Variants in PCM1 observed in about 807,000 individuals in gnomAD.
The protein encoded by PCM1 is pericentriolar material 1 protein.
In PCM1, 157 loss-of-function variants were observed where a neutral mutation model predicts 241.9. The observed-to-expected ratio is 0.65, with a 90% CI of 0.57 to 0.74. The LOEUF (loss-of-function observed/expected upper bound fraction) is 0.74, where lower values mean the gene tolerates loss of function less well. PCM1 is among the 30% of genes least tolerant of loss of function. The probability of loss-of-function intolerance (pLI) is 0.00; values close to 1 mark genes in which losing one functional copy is unlikely to be tolerated. For synonymous variants in PCM1, 1,085 were observed against 784.9 expected (o/e 1.38, Z -6.39); for missense variants, 3,478 against 2,360.1 (o/e 1.47, Z -9.81).
At chr8:17,942,451 G>A (rs1284854925) in intron 6 of PCM1, among the ~76,000 whole-genome samples, 16 of 151,396 alleles carry the variant, frequency 1.1e-4, no homozygotes, top group Admixed American at 6.6e-5. Flanking sequence ...GTGAGACTGC[G>A]TCTCAAAAAA....
chr8:17,938,961 G>C lies in PCM1; in HGVS notation c.564G>C (p.Gln188His), dbSNP rs765997054. Residue 188 changes from glutamine to histidine, a missense_variant, in exon 5 of 39, where the codon CAG becomes CAC. By Grantham distance (24) the Gln-to-His change is conservative. Transcript: ENST00000325083. ...ALSNDLLQNC[Q>H]VSEEDGRGEP... ...GTAATGACCTCTTGCAAAACTGTCA[G>C]GTGTCTGAAGAAGATGGGAGGGGAG... 2.5e-6 allele frequency: 4 copies of C among 1,613,738 alleles called. No individual in the cohort carries two copies. In the East Asian group the frequency reaches 6.7e-5, roughly 27 times the overall value.
At chr8:18,015,050 T>G (rs536757707) in intron 36 of PCM1, among the ~76,000 whole-genome samples, 1 of 152,178 alleles carries the variant, frequency 6.6e-6, no homozygotes, top group Non-Finnish European at 1.5e-5. Flanking sequence ...TTTTATAATT[T>G]TGAGAACCAA....
At chr8:17,996,869 T>C (rs1232273564) in intron 29 of PCM1, among the ~76,000 whole-genome samples, 2 of 152,242 alleles carry the variant, frequency 1.3e-5, no homozygotes, top group East Asian at 3.8e-4. Context: ...TACTGTACCA[T>C]GTCTTGAAAA....
At chr8:17,966,562 AC>A in intron 20 of PCM1, 89 bp downstream of exon 20, 2 of 1,113,698 alleles carry the variant, frequency 1.8e-6, no homozygotes, top group Non-Finnish European at 2.6e-6. Context: ...AAAGAGCAAG[AC>A]CAAATTGCAT....
At chr8:17,961,132 T>G (rs536752372) in intron 15 of PCM1, among the ~76,000 whole-genome samples, 249 of 152,240 alleles carry the variant, frequency 1.6e-3, no homozygotes, top group African/African-American at 4.9e-3. Flanking sequence ...AATAACTGTA[T>G]GTGGTTTAAA....
rs1051459050 is a variant in PCM1 at position 17,948,446 on chromosome 8, A to G, written c.961+1083A>G. The stretch of plus-strand genomic sequence containing the variant: ...CAGCCTCCTGAGTAGCTGGGATTAC[A>G]GGTGCGCACCACCATGCCTGGCTAA... On this transcript the variant is annotated intron_variant, in intron 7 of 38. Coordinates refer to ENST00000325083, the MANE Select transcript of PCM1 (RefSeq NM_006197.4). Among the ~76,000 whole-genome samples, 7 of 151,976 alleles carry G rather than the reference A, an allele frequency of 4.6e-5. 1 individual carries two copies. In the East Asian group the frequency reaches 1.4e-3, roughly 29 times the overall value.
chr8:17,923,871 G>T (rs940375894), intron 1 of PCM1, among the ~76,000 whole-genome samples: 7 of 152,204 alleles, frequency 4.6e-5, no homozygotes, highest in African/African-American at 1.7e-4. Context: ...AAGTGGGACT[G>T]GGGGAAACGT....
chr8:17,929,455 A>G (rs1043915189), intron 2 of PCM1, among the ~76,000 whole-genome samples: 17 of 152,172 alleles, frequency 1.1e-4, no homozygotes, highest in African/African-American at 3.4e-4. Context: ...CTGTTGAGAG[A>G]TAGATCGCTA....
At chr8:17,998,416 C>T (rs958463591) in intron 29 of PCM1, among the ~76,000 whole-genome samples, 8 of 152,092 alleles carry the variant, frequency 5.3e-5, no homozygotes, top group Admixed American at 2.6e-4. Flanking sequence ...AGACTCATAG[C>T]GGTATACCAC....
At position 17,939,768 on chromosome 8, in the gene PCM1, T is replaced by G. The variant is rs1216378137; in HGVS notation, c.690T>G (p.Asn230Lys). The stretch of plus-strand genomic sequence containing the variant: ...TGCGGGAAGATCTTGTAGAGAAAAA[T>G]GAGAGATCTGCTAATGTTGAGCGCC... ...SSMREDLVEK[N>K]ERSANVERLT... The change falls in exon 6 of 39, where the codon AAT becomes AAG. Residue 230 changes from asparagine (N) to lysine (K), a missense_variant. Transcript: ENST00000325083. 5 of 1,550,814 alleles carry G rather than the reference T, an allele frequency of 3.2e-6. No individual in the cohort carries two copies. Among genetic ancestry groups the G allele is most frequent in the Non-Finnish European group, 4.4e-6 (5 of 1,141,130 alleles).
rs78695832 is a variant in PCM1 at position 17,928,262 on chromosome 8, A to G, written c.-23+3482A>G. Among the ~76,000 whole-genome samples the G allele has an allele frequency of 8.2e-3, 1,249 of 152,316 alleles. 18 individuals are homozygous for G. Among genetic ancestry groups the G allele is most frequent in the African/African-American group, 0.028 (1,177 of 41,564 alleles). ...GAAAAAAATATCTGTAGTATGTGTT[A>G]TATGAGTGAATAGTCTCTCGTTTCC... On this transcript the variant is annotated intron_variant, in intron 2 of 38. Coordinates refer to ENST00000325083, the MANE Select transcript of PCM1 (RefSeq NM_006197.4).
chr8:17,925,653 G>C (rs2056644181), intron 2 of PCM1: 1 of 152,250 alleles, frequency 6.6e-6, no homozygotes, highest in Non-Finnish European at 1.5e-5. Context: ...GGCTAACATG[G>C]TGAAACCCCA....
intron 38 of PCM1, among the ~76,000 whole-genome samples, chr8:18,026,374 C>T (rs1289917621): frequency 1.3e-5 from 2 of 148,854 alleles, no homozygotes; most frequent in African/African-American, 4.9e-5. Context: ...TCTTCTGCCT[C>T]AGCCTCCCAA....
intron 36 of PCM1, chr8:18,025,077 C>CTGTTT (rs997198717): frequency 3.8e-6 from 1 of 259,838 alleles, no homozygotes; most frequent in African/African-American, 2.3e-5. Flanking sequence ...AGTTGTCTTT[C>CTGTTT]TGTTTTTAGT....
In PCM1 at chr8:18,018,765, C is replaced by T. The variant is rs574142494; in HGVS notation, c.5841+3925C>T. Among the ~76,000 whole-genome samples the T allele has an allele frequency of 3.4e-4, 50 of 148,136 alleles. 1 individual carries two copies. The East Asian group carries it at 7.2e-3, about 21-fold the overall frequency. On this transcript the variant is annotated intron_variant, in intron 36 of 38. Coordinates refer to ENST00000325083, the MANE Select transcript of PCM1 (RefSeq NM_006197.4). Reference sequence around the variant, plus strand: ...GGTGGAGGTTGCAGTGAGCTGAGATCGTGCCACTGCACTCCAGCCTGGCCA... The same window carrying T: ...GGTGGAGGTTGCAGTGAGCTGAGATTGTGCCACTGCACTCCAGCCTGGCCA...
intron 22 of PCM1, among the ~76,000 whole-genome samples, chr8:17,970,492 A>C (rs1357286349): frequency 6.6e-6 from 1 of 151,116 alleles, no homozygotes; most frequent in Non-Finnish European, 1.5e-5. Flanking sequence ...TGTATTCACC[A>C]CTAGGAGTGC....
At chr8:17,986,773 G>C (rs531099683) in intron 26 of PCM1, among the ~76,000 whole-genome samples, 9 of 151,886 alleles carry the variant, frequency 5.9e-5, no homozygotes, top group African/African-American at 2.2e-4. Flanking sequence ...TATTTCATGT[G>C]GTCGTGGGAT....
intron 22 of PCM1, among the ~76,000 whole-genome samples, 172 bp downstream of exon 22, chr8:17,969,920 G>A (rs539057163): frequency 6.6e-6 from 1 of 152,200 alleles, no homozygotes; most frequent in Admixed American, 6.5e-5. Flanking sequence ...ATACTTCCTG[G>A]TAACCCTGGT....
Position 17,929,657 on chromosome 8 carries a change from C to T in PCM1, c.-23+4877C>T, listed in dbSNP as rs80327072. 9.2e-5 allele frequency among the ~76,000 whole-genome samples: 14 copies of T among 152,284 alleles called. No individual in the cohort carries two copies. The East Asian group carries it at 1.7e-3, about 19-fold the overall frequency. On this transcript the variant is annotated intron_variant, in intron 2 of 38. Coordinates refer to ENST00000325083, the MANE Select transcript of PCM1 (RefSeq NM_006197.4). ...CTTTTAACTCTACTATCCTTTAACT[C>T]TTCTGCTTCTTTATCGCCCGTGTTG...
Sources: allele counts gnomAD v4.1 joint callset (sites outside exome capture counted in the v4.1 genomes callset), GRCh38; gene constraint gnomAD v4.1.1; transcripts MANE v1.5; gene names NCBI Gene and HGNC (gene_info 2026-07-23, HGNC 2026-07-21).